The following CADPS2 variants were observed in gnomAD, a reference collection of about 807,000 sequenced individuals.
CADPS2 encodes calcium dependent secretion activator 2.
A neutral mutation model predicts 172.5 loss-of-function variants in CADPS2; 93 were observed. The ratio of observed to expected loss-of-function variants is 0.54; its 90% CI spans 0.46 to 0.64. CADPS2 has a LOEUF of 0.64. CADPS2 is among the 30% of genes least tolerant of loss of function. CADPS2 has a pLI of 0.00. For synonymous variants in CADPS2, 546 were observed against 555.2 expected (o/e 0.98, Z 0.23); for missense variants, 1,420 against 1,565.9 (o/e 0.91, Z 1.57).
chr7:122,673,195 T>C (rs367799601), intron 2 of CADPS2, among the ~76,000 whole-genome samples: 4 of 152,214 alleles, frequency 2.6e-5, no homozygotes, highest in African/African-American at 4.8e-5. Context: ...GCAAGATTCA[T>C]TGCAAAGAGC....
intron 6 of CADPS2, among the ~76,000 whole-genome samples, chr7:122,587,194 C>T (rs778660072): frequency 2.6e-5 from 4 of 151,592 alleles, no homozygotes; most frequent in Admixed American, 6.6e-5. Context: ...TGGTTTGCTG[C>T]GCCTATCAAC....
rs1439392848 is a variant in CADPS2 at position 122,436,305 on chromosome 7, A to G, written c.2476+2036T>C. ...CATGTCTCAACAAAGTGCTTTAAAAATATCACACCACCACATGAGAAATAA... is the reference window on the plus strand; with the variant it reads ...CATGTCTCAACAAAGTGCTTTAAAAGTATCACACCACCACATGAGAAATAA... On this transcript the variant is annotated intron_variant, in intron 17 of 29. Transcript: ENST00000449022. 4 of 1,114,618 alleles carry G rather than the reference A, an allele frequency of 3.6e-6. No homozygotes were observed. The South Asian group carries it at 5.5e-5, about 15-fold the overall frequency. The allele number at this position is 1,114,618 out of a possible 1,614,324, so 69.0% of individuals were successfully genotyped here. A position where few individuals can be genotyped will look rare whatever the true frequency, so the allele number is the denominator to read the frequency against.
chr7:122,701,837 G>A, intron 2 of CADPS2: 2 of 1,576,598 alleles, frequency 1.3e-6, no homozygotes, highest in East Asian at 2.2e-5. Flanking sequence ...GATTTCTTAA[G>A]TTTTCAGGAT....
intron 1 of CADPS2, among the ~76,000 whole-genome samples, chr7:122,743,995 A>T (rs533816913): frequency 1.8e-4 from 27 of 152,198 alleles, no homozygotes; most frequent in Non-Finnish European, 2.6e-4. Context: ...ATAAGCACAG[A>T]TATTTGGGAC....
At chr7:122,377,482 GA>G (rs1464114446) in intron 25 of CADPS2, among the ~76,000 whole-genome samples, 1 of 152,094 alleles carries the variant, frequency 6.6e-6, no homozygotes, top group African/African-American at 2.4e-5. Flanking sequence ...GCATGTAATT[GA>G]ATGATGCCGA....
rs2150775275 is a variant in CADPS2, at chr7:122,328,602, C to A, written c.3613-3021G>T. On this transcript the variant is annotated intron_variant, in intron 28 of 29. Coordinates refer to ENST00000449022, the MANE Select transcript of CADPS2 (RefSeq NM_017954.11). ...TTTTACAAATTTTTTCTACATCAAT[C>A]CATGACAGCAGCCTACCACTTTAGC... 4 of 152,320 alleles carry A rather than the reference C, an allele frequency of 2.6e-5. 1 individual carries two copies. The Middle Eastern group carries it at 0.01, about 389-fold the overall frequency. 9.4% of individuals were successfully genotyped at this position (152,320 alleles called of 1,614,324 possible).
At chr7:122,702,431 C>A in intron 2 of CADPS2, 3 of 1,613,768 alleles carry the variant, frequency 1.9e-6, no homozygotes, top group Admixed American at 1.7e-5. Flanking sequence ...ACAGCCTCCA[C>A]GTTCGATGAG....
chr7:122,348,258 C>T (rs762994179), intron 27 of CADPS2, among the ~76,000 whole-genome samples: 4 of 152,134 alleles, frequency 2.6e-5, no homozygotes, highest in East Asian at 1.9e-4. Flanking sequence ...ATAGACACTA[C>T]GGTAATTTCT....
intron 8 of CADPS2, among the ~76,000 whole-genome samples, chr7:122,553,777 C>A (rs1316519358): frequency 6.6e-6 from 1 of 152,158 alleles, no homozygotes; most frequent in African/African-American, 2.4e-5. Flanking sequence ...TCAGGGTAAG[C>A]CACTTCAACA....
At chr7:122,324,837 CATAAT>C (rs1045648417) in intron 29 of CADPS2, among the ~76,000 whole-genome samples, 13 of 152,092 alleles carry the variant, frequency 8.5e-5, no homozygotes, top group Middle Eastern at 6.8e-3. Context: ...AAAAATTATG[CATAAT>C]ATATTATTTT....
chr7:122,496,770 A>AT (rs921912591), intron 9 of CADPS2, among the ~76,000 whole-genome samples: 11 of 152,116 alleles, frequency 7.2e-5, no homozygotes, highest in African/African-American at 2.7e-4. Context: ...TTTTTTAATC[A>AT]GTGTTTTGTT....
chr7:122,419,787 T>C (rs1350877084), intron 17 of CADPS2, among the ~76,000 whole-genome samples: 6 of 149,952 alleles, frequency 4.0e-5, no homozygotes, highest in Admixed American at 1.3e-4. Context: ...GGAAATAAAA[T>C]TTATTTATGT....
intron 25 of CADPS2, among the ~76,000 whole-genome samples, chr7:122,362,726 C>T (rs996036965): frequency 2.0e-5 from 3 of 152,300 alleles, no homozygotes; most frequent in East Asian, 1.9e-4. Flanking sequence ...TTTTTGTTCA[C>T]ATAGCAGCTT....
At chr7:122,699,352 C>T (rs2136219002) in intron 2 of CADPS2, among the ~76,000 whole-genome samples, 1 of 152,144 alleles carries the variant, frequency 6.6e-6, no homozygotes. Context: ...AAAATTCATA[C>T]AATGTGTGCT....
At chr7:122,563,851 T>A (rs2066066050) in intron 7 of CADPS2, among the ~76,000 whole-genome samples, 1 of 152,080 alleles carries the variant, frequency 6.6e-6, no homozygotes, top group South Asian at 2.1e-4. Flanking sequence ...GTATTTAAAT[T>A]AAAAACCAAC....
At chr7:122,622,732 T>C (rs1240660662) in intron 4 of CADPS2, among the ~76,000 whole-genome samples, 4 of 152,162 alleles carry the variant, frequency 2.6e-5, no homozygotes, top group Non-Finnish European at 5.9e-5. Flanking sequence ...GGCTGGAGGA[T>C]GAAAGCCTAA....
rs1023613375 is a variant in CADPS2 at position 122,434,983 on chromosome 7, T to C, written c.2476+3358A>G. 4.8e-5 allele frequency among the ~76,000 whole-genome samples: 7 copies of C among 145,026 alleles called. No individual in the cohort carries two copies. The East Asian group carries it at 1.5e-3, about 31-fold the overall frequency. On this transcript the variant is annotated intron_variant, in intron 17 of 29. Coordinates refer to ENST00000449022, the MANE Select transcript of CADPS2 (RefSeq NM_017954.11). ...CTTAAAACATAATGCATACCATTCA[T>C]ATAGCCTCAGGTTTTTTGCTTTAAA...
At chr7:122,807,165 C>T (rs115176024) in intron 1 of CADPS2, among the ~76,000 whole-genome samples, 10 of 152,210 alleles carry the variant, frequency 6.6e-5, no homozygotes, top group East Asian at 3.9e-4. Context: ...CCTACCCCAG[C>T]GGTATGCCCC....
At chr7:122,857,833 T>C (rs1042591816) in intron 1 of CADPS2, among the ~76,000 whole-genome samples, 1 of 152,174 alleles carries the variant, frequency 6.6e-6, no homozygotes, top group African/African-American at 2.4e-5. Context: ...TTCTTAAGGA[T>C]GGTGTGTCCA....
Sources: allele counts gnomAD v4.1 joint callset (sites outside exome capture counted in the v4.1 genomes callset), GRCh38; gene constraint gnomAD v4.1.1; transcripts MANE v1.5; gene names NCBI Gene and HGNC (gene_info 2026-07-23, HGNC 2026-07-21).